SAMD5: variants seen among roughly 807,000 people sequenced by gnomAD.
SAMD5 encodes sterile alpha motif domain containing 5, also known as sterile alpha motif domain-containing protein 5.
A neutral mutation model predicts 11.3 loss-of-function variants in SAMD5; 13 were observed. The observed-to-expected ratio is 1.15, with a 90% CI of 0.75 to 1.83. The LOEUF is 1.83. Among genes scored for constraint, SAMD5 ranks in the 40% most tolerant of loss-of-function variants. The pLI, the probability that SAMD5 is intolerant of heterozygous loss-of-function variation, is 0.00. For synonymous variants in SAMD5, 129 were observed against 111.3 expected, an observed-to-expected ratio of 1.16 and a Z score of -1.00; for missense variants, 255 against 239.1, an observed-to-expected ratio of 1.07 and a Z score of -0.44.
intron 1 of SAMD5, among the ~76,000 whole-genome samples, chr6:147,580,474 T>C (rs1212133628): frequency 6.6e-6 from 1 of 152,240 alleles, no homozygotes; most frequent in Admixed American, 6.5e-5. Context: ...CTCATTTCTG[T>C]AATTATATTT....
At chr6:147,687,269 C>T (rs1479737987) in intron 1 of SAMD5, among the ~76,000 whole-genome samples, 1 of 122,210 alleles carries the variant, frequency 8.2e-6, no homozygotes, top group African/African-American at 3.0e-5. Context: ...CCTTTCCTCT[C>T]CTCCTTCTTT....
At chr6:147,550,951 C>T (rs1788761781) in intron 1 of SAMD5, among the ~76,000 whole-genome samples, 2 of 151,998 alleles carry the variant, frequency 1.3e-5, no homozygotes, top group Admixed American at 1.3e-4. Context: ...CATCCTGGTG[C>T]CATAACACAC....
the SAMD5 span, among the ~76,000 whole-genome samples, chr6:147,745,578 G>A: frequency 6.7e-3 from 1,021 of 152,238 alleles, 8 homozygotes; most frequent in African/African-American, 0.024. Context: ...CTGCTCCTGA[G>A]AACTGCTGTC....
the SAMD5 span, among the ~76,000 whole-genome samples, chr6:147,792,836 C>T: frequency 6.6e-6 from 1 of 152,210 alleles, no homozygotes; most frequent in Admixed American, 6.5e-5. Context: ...ATGGCTGACA[C>T]TGGAACAATT....
At chr6:147,604,224 C>A (rs1284798281) in intron 1 of SAMD5, among the ~76,000 whole-genome samples, 1 of 137,310 alleles carries the variant, frequency 7.3e-6, no homozygotes, top group Non-Finnish European at 1.6e-5. Flanking sequence ...TTTTTTTTTA[C>A]TAAATGATGC....
the SAMD5 span, among the ~76,000 whole-genome samples, chr6:147,882,961 A>G: frequency 1.3e-5 from 2 of 152,214 alleles, no homozygotes; most frequent in East Asian, 3.8e-4. Context: ...ATCTCTTTCA[A>G]TTTCTGTAGT....
At position 147,566,842 on chromosome 6, in the gene SAMD5, T is replaced by A. The variant is rs560306982; in HGVS notation, c.*2386T>A. The A allele has an allele frequency of 5.1e-6, 5 of 978,696 alleles. No homozygotes were observed. In the African/African-American group the frequency reaches 8.7e-5, roughly 17 times the overall value. The allele number at this position is 978,696 out of a possible 1,614,324, so 60.6% of individuals were successfully genotyped here. On this transcript the variant is annotated 3_prime_UTR_variant, in exon 2 of 2. Coordinates refer to ENST00000367474, the MANE Select transcript of SAMD5 (RefSeq NM_001030060.3). The stretch of plus-strand genomic sequence containing the variant: ...TCAAGATGAGGTAAGAGGTAGAATA[T>A]AAGAGAAAGGGATTATTTTTACCAT...
the SAMD5 span, among the ~76,000 whole-genome samples, chr6:147,777,630 CTT>C: frequency 6.6e-6 from 1 of 152,166 alleles, no homozygotes; most frequent in African/African-American, 2.4e-5. Context: ...ACTTTCAAAA[CTT>C]TTTATCACCT....
At chr6:147,795,643 T>C in the SAMD5 span, among the ~76,000 whole-genome samples, 3 of 151,054 alleles carry the variant, frequency 2.0e-5, no homozygotes, top group Admixed American at 1.3e-4. Flanking sequence ...ATCACCACAC[T>C]GTCTTCCACA....
chr6:147,921,322 C>T, the SAMD5 span, among the ~76,000 whole-genome samples: 1 of 145,418 alleles, frequency 6.9e-6, no homozygotes, highest in Non-Finnish European at 1.5e-5. Flanking sequence ...CACTTCAAAA[C>T]CAGAAGAAGA....
intron 1 of SAMD5, among the ~76,000 whole-genome samples, chr6:147,607,651 T>G (rs1274914915): frequency 6.6e-6 from 1 of 152,132 alleles, no homozygotes; most frequent in Non-Finnish European, 1.5e-5. Flanking sequence ...CAAAACAGAT[T>G]AAATACTTAA....
the SAMD5 span, among the ~76,000 whole-genome samples, chr6:147,827,023 G>A: frequency 1.3e-5 from 2 of 152,174 alleles, no homozygotes; most frequent in Non-Finnish European, 2.9e-5. Flanking sequence ...GAGACCATGG[G>A]GCTGCTTTCA....
the SAMD5 span, among the ~76,000 whole-genome samples, chr6:147,879,788 C>A: frequency 0.32 from 49,224 of 151,940 alleles, 8,683 homozygotes; most frequent in Middle Eastern, 0.44. Context: ...ACCTAGAAAC[C>A]AACTGGATTC....
intron 1 of SAMD5, among the ~76,000 whole-genome samples, chr6:147,732,851 A>G (rs1791738233): frequency 6.6e-6 from 1 of 152,230 alleles, no homozygotes; most frequent in African/African-American, 2.4e-5. Context: ...AGTGTTTTAA[A>G]TCAGACACAG....
At chr6:147,588,874 T>A (rs1789413563) in intron 1 of SAMD5, among the ~76,000 whole-genome samples, 1 of 152,154 alleles carries the variant, frequency 6.6e-6, no homozygotes, top group Non-Finnish European at 1.5e-5. Context: ...GTACTTCAAT[T>A]CGTGAAATAC....
chr6:147,509,635 G>A (rs1000247049), intron 1 of SAMD5, among the ~76,000 whole-genome samples: 1 of 152,116 alleles, frequency 6.6e-6, no homozygotes, highest in Non-Finnish European at 1.5e-5. Flanking sequence ...CCAAAACTCC[G>A]CATCCTCTCT....
At chr6:147,771,888 G>T in the SAMD5 span, among the ~76,000 whole-genome samples, 4 of 152,228 alleles carry the variant, frequency 2.6e-5, no homozygotes, top group East Asian at 7.7e-4. Context: ...ACCCTCCATT[G>T]CCGTGACAGC....
chr6:147,854,230 T>A, the SAMD5 span, among the ~76,000 whole-genome samples: 2 of 152,110 alleles, frequency 1.3e-5, no homozygotes, highest in African/African-American at 4.8e-5. Context: ...TGACACAATC[T>A]TGGTGGGACT....
intron 1 of SAMD5, among the ~76,000 whole-genome samples, chr6:147,544,730 C>G (rs1248503130): frequency 6.6e-6 from 1 of 152,104 alleles, no homozygotes; most frequent in African/African-American, 2.4e-5. Flanking sequence ...GATTTTTACT[C>G]TATTTTTTGC....
Sources: gnomAD v4.1 joint callset for allele counts (sites outside exome capture counted in the v4.1 genomes callset) on GRCh38, gnomAD v4.1.1 for gene constraint, MANE v1.5 for transcripts, NCBI Gene and HGNC (gene_info 2026-07-23, HGNC 2026-07-21) for gene names.